The following CSAD variants were observed in gnomAD, a reference collection of about 807,000 sequenced individuals.
CSAD encodes the protein P-selectin cytoplasmic tail-associated protein.
A neutral mutation model predicts 61.5 loss-of-function variants in CSAD; 47 were observed. The ratio of observed to expected loss-of-function variants is 0.76; its 90% confidence interval spans 0.60 to 0.97. The LOEUF (loss-of-function observed/expected upper bound fraction) is 0.97, where lower values mean the gene tolerates loss of function less well. Among genes scored for constraint, CSAD ranks in the 50% least tolerant of loss-of-function variants. The probability of loss-of-function intolerance (pLI) is 0.00; values close to 1 mark genes in which losing one functional copy is unlikely to be tolerated. For synonymous variants in CSAD, 245 were observed against 252.7 expected (o/e 0.97, Z 0.29); for missense variants, 611 against 643.6 (o/e 0.95, Z 0.55).
At position 53,161,406 on chromosome 12, in the gene CSAD, G is replaced by A; in HGVS notation, c.703-17C>T. ...CACAGCACCCTGTTGCCAAAATGTA[G>A]AGGGAGAAAGATGTAAAGTCATCTC... On this transcript the variant is annotated splice_polypyrimidine_tract_variant and intron_variant, in intron 10 of 16. Coordinates refer to ENST00000444623, the MANE Select transcript of CSAD (RefSeq NM_001244705.2). The A allele has an allele frequency of 6.3e-7, 1 of 1,595,474 alleles. No homozygotes were observed.
At position 53,157,763 on chromosome 12, in the gene CSAD, T is replaced by C. The variant is rs1234901159; in HGVS notation, c.*748A>G. ...AGCTCAAAAGATATAAAGAAGTCTATGTTTTTTTTGTTTGTTTGTTTTTTT... is the reference window on the plus strand; with the variant it reads ...AGCTCAAAAGATATAAAGAAGTCTACGTTTTTTTTGTTTGTTTGTTTTTTT... On this transcript the variant is annotated 3_prime_UTR_variant, in exon 17 of 17. Coordinates refer to ENST00000444623, the MANE Select transcript of CSAD (RefSeq NM_001244705.2). 3 of 152,172 alleles carry C rather than the reference T, an allele frequency of 2.0e-5. No homozygotes were observed. The highest frequency in any genetic ancestry group is 2.9e-5 in the Non-Finnish European group (2 of 68,046). 9.4% of individuals were successfully genotyped at this position (152,172 alleles called of 1,614,324 possible). A position where few individuals can be genotyped will look rare whatever the true frequency, so the allele number is the denominator to read the frequency against.
At position 53,161,329 on chromosome 12, in the gene CSAD, G is replaced by A. The variant is rs200339124; in HGVS notation, c.763C>T (p.Pro255Ser). The change falls in exon 11 of 17, where the codon CCC becomes TCC. Residue 255 changes from proline (P) to serine (S), a missense_variant. Transcript: ENST00000444623. ...SGTTVLGAFD[P>S]LEAIADVCQR... ...CACACATCAGCAATTGCCTCCAGGG[G>A]GTCAAAGGCCCCTAGCACAGTGGTG... 2.2e-5 allele frequency: 36 copies of A among 1,614,032 alleles called. No individual in the cohort carries two copies. In the Admixed American group the frequency reaches 5.5e-4, roughly 25 times the overall value.
intron 10 of CSAD, among the ~76,000 whole-genome samples, chr12:53,169,387 A>G (rs1402241649): frequency 6.6e-6 from 1 of 151,570 alleles, no homozygotes; most frequent in African/African-American, 2.4e-5. Flanking sequence ...GCTAAGGCAG[A>G]GGAATCACTT....
At chr12:53,163,432 T>G (rs1342623320) in intron 10 of CSAD, among the ~76,000 whole-genome samples, 1 of 152,078 alleles carries the variant, frequency 6.6e-6, no homozygotes, top group Non-Finnish European at 1.5e-5. Context: ...GCTGATGAAT[T>G]CCATCAAACA....
Position 53,180,513 on chromosome 12 carries a change from C to T in CSAD, c.-91+219G>A. The T allele has an allele frequency of 4.7e-6, 6 of 1,267,222 alleles. No homozygotes were observed. The Admixed American group carries it at 1.5e-4, about 33-fold the overall frequency. The allele number at this position is 1,267,222 out of a possible 1,614,324, so 78.5% of individuals were successfully genotyped here. On this transcript the variant is annotated intron_variant, in intron 1 of 16. Coordinates refer to ENST00000444623, the MANE Select transcript of CSAD (RefSeq NM_001244705.2). ...GCGCGCCCCGGCCACGGCGCACGCGCCGGCCTCAGCGCTCCCTCCTCCATG... is the reference window on the plus strand; with the variant it reads ...GCGCGCCCCGGCCACGGCGCACGCGTCGGCCTCAGCGCTCCCTCCTCCATG...
intron 12 of CSAD, 109 bp from the exon 13 acceptor site, chr12:53,160,953 AC>A (rs960543781): frequency 1.2e-5 from 14 of 1,180,842 alleles, no homozygotes; most frequent in Non-Finnish European, 1.6e-5. Flanking sequence ...TCTCACCCTC[AC>A]CCCAGCATCA....
rs760387683 is a variant in CSAD at position 53,170,520 on chromosome 12, G to A, written c.568-18C>T. On this transcript the variant is annotated intron_variant, in intron 8 of 16. Transcript: ENST00000444623. ...TAGTGACACTGTGGGGGAAGGCAGAGGGCAAGTTAGCACAACTTGATGGGG... is the reference window on the plus strand; with the variant it reads ...TAGTGACACTGTGGGGGAAGGCAGAAGGCAAGTTAGCACAACTTGATGGGG... 25 of 1,606,530 alleles carry A rather than the reference G, an allele frequency of 1.6e-5. No homozygotes were observed. The highest frequency in any genetic ancestry group is 2.0e-5 in the Non-Finnish European group (23 of 1,173,196).
intron 1 of CSAD, chr12:53,180,438 C>T: frequency 8.5e-7 from 1 of 1,175,830 alleles, no homozygotes; most frequent in Non-Finnish European, 1.1e-6. Flanking sequence ...ACCCAGCGTA[C>T]AATCATCGAA....
At chr12:53,180,141 T>A (rs1941454503) in intron 1 of CSAD, 9 of 1,264,416 alleles carry the variant, frequency 7.1e-6, no homozygotes, top group Non-Finnish European at 9.0e-6. Flanking sequence ...GGAACGCCTC[T>A]GCGAGAATTC....
In CSAD at chr12:53,177,272, T is replaced by A. The variant is rs1003956847; in HGVS notation, c.-50+1830A>T. ...AAAATCTTAGTTTTAATAGTAAACA[T>A]CCCTGGCTTGTTCCTAGCAAAGACA... On this transcript the variant is annotated intron_variant, in intron 2 of 16. Transcript: ENST00000444623. Among the ~76,000 whole-genome samples, 7 of 152,322 alleles carry A rather than the reference T, an allele frequency of 4.6e-5. No homozygotes were observed. The Middle Eastern group carries it at 0.014, about 296-fold the overall frequency.
intron 13 of CSAD, 125 bp downstream of exon 13, chr12:53,160,638 G>A (rs1391042260): frequency 1.2e-6 from 1 of 856,162 alleles, no homozygotes; most frequent in Non-Finnish European, 1.9e-6. Context: ...GGTGGTAGCT[G>A]AGATGCAGCT....
chr12:53,171,384 T>G lies in CSAD; in HGVS notation c.509A>C (p.Asp170Ala). ...TGTGCGGAGGCCCCTCTGCTTGCAA[T>G]CCGGGTAGCGCTGATAGCGGGCCAG... ...VNLARYQRYP[D>A]CKQRGLRTLP... The change falls in exon 8 of 17, where the codon GAT (aspartate) becomes GCT (alanine). Residue 170 changes from aspartate (D) to alanine (A), a missense_variant. Transcript: ENST00000444623. 1.2e-6 allele frequency: 2 copies of G among 1,613,960 alleles called. No homozygotes were observed. Among genetic ancestry groups the G allele is most frequent in the Non-Finnish European group, 1.7e-6 (2 of 1,180,010 alleles).
At chr12:53,173,611 G>A in intron 3 of CSAD, 117 bp downstream of exon 3, 4 of 1,535,242 alleles carry the variant, frequency 2.6e-6, no homozygotes, top group Admixed American at 1.8e-5. Context: ...CACAGACAAG[G>A]GCAAGTGAGA....
Position 53,161,245 on chromosome 12 carries a change from C to A in CSAD, c.819+28G>T, listed in dbSNP as rs570022215. ...TTGGCCTTGGCTCAGCCCACCCCAC[C>A]GCACCCCCAAGCCGAAGTCCCACTC... On this transcript the variant is annotated intron_variant, in intron 11 of 16. Transcript: ENST00000444623. 1.1e-5 allele frequency: 17 copies of A among 1,613,656 alleles called. No individual in the cohort carries two copies. In the African/African-American group the frequency reaches 2.0e-4, roughly 19 times the overall value.
chr12:53,177,319 C>T (rs1333137169), intron 2 of CSAD, among the ~76,000 whole-genome samples: 1 of 152,060 alleles, frequency 6.6e-6, no homozygotes, highest in Non-Finnish European at 1.5e-5. Context: ...AATATTTTCC[C>T]ATAAAGCATG....
chr12:53,162,242 C>T (rs927417583), intron 10 of CSAD, among the ~76,000 whole-genome samples: 4 of 152,058 alleles, frequency 2.6e-5, no homozygotes, highest in Non-Finnish European at 5.9e-5. Flanking sequence ...CATTGTACTC[C>T]AGCCTGGGCA....
chr12:53,171,364 G>A lies in CSAD; in HGVS notation c.529C>T (p.Arg177Cys), dbSNP rs773333704. 1.1e-5 allele frequency: 17 copies of A among 1,613,812 alleles called. 1 individual carries two copies. The highest frequency in any genetic ancestry group is 6.6e-5 in the South Asian group (6 of 91,092). ...AATAGGGCCAGGGGCGGCAGTGTGC[G>A]GAGGCCCCTCTGCTTGCAATCCGGG... ...RYPDCKQRGL[R>C]TLPPLALFTS... is the part of the protein sequence containing the mutation. The change falls in exon 8 of 17, where the codon CGC (arginine) becomes TGC (cysteine). Residue 177 changes from arginine to cysteine, a missense_variant. By Grantham distance (180) the Arg-to-Cys change is radical. Coordinates refer to ENST00000444623, the MANE Select transcript of CSAD (RefSeq NM_001244705.2).
At position 53,173,760 on chromosome 12, in the gene CSAD, A is replaced by G. The variant is rs371184145; in HGVS notation, c.-39T>C. On this transcript the variant is annotated 5_prime_UTR_variant, in exon 3 of 17. Transcript: ENST00000444623. ...CTCAGGAGAGCCGGAGGCAGGGTGC[A>G]CAGGTAGCTCCTCAGGACAGCAGGA... The G allele has an allele frequency of 1.2e-6, 2 of 1,613,328 alleles. No individual in the cohort carries two copies. Among genetic ancestry groups the G allele is most frequent in the African/African-American group, 2.7e-5 (2 of 74,942 alleles).
chr12:53,165,628 A>T (rs1489053027), intron 10 of CSAD, among the ~76,000 whole-genome samples: 1 of 147,258 alleles, frequency 6.8e-6, no homozygotes, highest in Non-Finnish European at 1.5e-5. Flanking sequence ...ACGACACTGC[A>T]CTCCAGCCTG....
Sources: allele counts gnomAD v4.1 joint callset (sites outside exome capture counted in the v4.1 genomes callset), GRCh38; gene constraint gnomAD v4.1.1; transcripts MANE v1.5; gene names NCBI Gene and HGNC (gene_info 2026-07-23, HGNC 2026-07-21).